The following B3GLCT variants were observed in gnomAD, a reference collection of about 807,000 sequenced individuals.
B3GLCT encodes the protein beta 3-glucosyltransferase, also known as beta-1,3-glucosyltransferase.
Under a neutral mutation model 63.4 loss-of-function variants are expected in B3GLCT, and 65 were observed. The observed-to-expected ratio is 1.03, with a 90% CI of 0.84 to 1.26. B3GLCT has a LOEUF of 1.26. B3GLCT is among the 50% of genes most tolerant of loss of function. B3GLCT has a pLI of 0.00. For synonymous variants in B3GLCT, 233 were observed against 219.2 expected, an observed-to-expected ratio of 1.06 and a Z score of -0.55; for missense variants, 577 against 604.8, an observed-to-expected ratio of 0.95 and a Z score of 0.48.
At chr13:31,283,597 G>GT (rs5802600) in intron 10 of B3GLCT, among the ~76,000 whole-genome samples, 101,329 of 148,818 alleles carry the variant, frequency 0.68, 34,570 homozygotes, top group East Asian at 0.78. Flanking sequence ...GCAGAACTCA[G>GT]TTTTTTTAAA....
At chr13:31,223,338 A>T (rs1057097386) in intron 3 of B3GLCT, among the ~76,000 whole-genome samples, 1 of 152,120 alleles carries the variant, frequency 6.6e-6, no homozygotes, top group African/African-American at 2.4e-5. Flanking sequence ...GTTATTAAGG[A>T]CCCACATGAT....
chr13:31,274,409 A>G (rs1393879050), intron 8 of B3GLCT, 100 bp from the exon 9 acceptor site: 2 of 1,481,786 alleles, frequency 1.3e-6, no homozygotes, highest in Non-Finnish European at 1.9e-6. Context: ...CCTACTCTCT[A>G]TGGAAGATGT....
chr13:31,260,864 C>T (rs1871989607), intron 6 of B3GLCT, 82 bp from the exon 7 acceptor site: 4 of 1,320,296 alleles, frequency 3.0e-6, no homozygotes. Flanking sequence ...ATTTAATTAT[C>T]TGAAACCAAT....
At chr13:31,292,637 C>T (rs1055032675) in intron 12 of B3GLCT, among the ~76,000 whole-genome samples, 8 of 151,114 alleles carry the variant, frequency 5.3e-5, no homozygotes, top group African/African-American at 1.9e-4. Flanking sequence ...GTTTGTATTT[C>T]TGTGGGATCA....
intron 12 of B3GLCT, among the ~76,000 whole-genome samples, chr13:31,316,130 G>A (rs1007791283): frequency 5.3e-5 from 8 of 151,994 alleles, no homozygotes; most frequent in African/African-American, 1.9e-4. Context: ...GGGAAATGTG[G>A]GGTTGGAGCC....
chr13:31,204,863 A>G (rs1868865658), intron 1 of B3GLCT, among the ~76,000 whole-genome samples: 1 of 152,114 alleles, frequency 6.6e-6, no homozygotes, highest in Admixed American at 6.5e-5. Flanking sequence ...TGAGTCATAC[A>G]TTTCTGTCAC....
chr13:31,229,290 C>T lies in B3GLCT; in HGVS notation c.266C>T (p.Thr89Ile), dbSNP rs987078280. 5 of 1,588,838 alleles carry T rather than the reference C, an allele frequency of 3.1e-6. No homozygotes were observed. The highest frequency in any genetic ancestry group is 3.5e-6 in the Non-Finnish European group (4 of 1,157,110). Residue 89 changes from threonine to isoleucine, a missense_variant, in exon 4 of 15, where the codon ACA (threonine) becomes ATA (isoleucine). Physicochemically the swap from Thr to Ile is moderately conservative, Grantham distance 89. Transcript: ENST00000343307. Reference sequence around the variant, plus strand: ...ATCTTAAAGCAGGCTGCAGATCTTACACAGGTACGTAGCGATGGCTGGGGG... The same window carrying T: ...ATCTTAAAGCAGGCTGCAGATCTTATACAGGTACGTAGCGATGGCTGGGGG... ...KSILKQAADL[T>I]QELPSVLLLH... is the part of the protein sequence containing the mutation.
intron 1 of B3GLCT, among the ~76,000 whole-genome samples, chr13:31,201,707 C>T (rs983872440): frequency 1.3e-5 from 2 of 152,150 alleles, no homozygotes; most frequent in African/African-American, 4.8e-5. Flanking sequence ...ATATATACAA[C>T]ATATGGGCTG....
chr13:31,329,567 TG>T lies in B3GLCT; in HGVS notation c.1398del (p.Trp466Ter). 1 of 1,614,224 alleles carries T rather than the reference TG, an allele frequency of 6.2e-7. No individual in the cohort carries two copies. On this transcript the variant is annotated frameshift_variant, in exon 15 of 15. Coordinates refer to ENST00000343307, the MANE Select transcript of B3GLCT (RefSeq NM_194318.4). LOFTEE classifies it low-confidence loss of function (END_TRUNC). The part of the protein sequence containing the change: ...HQVPISFHKH[W>X]NIDPVKVYFT... ...AGTTCCCATATCGTTCCACAAACAC[TG>T]GAACATCGATCCAGTGAAGGTGTAT...
intron 12 of B3GLCT, among the ~76,000 whole-genome samples, chr13:31,309,822 A>G (rs1310558760): frequency 6.6e-6 from 1 of 152,222 alleles, no homozygotes. Context: ...ATTGAACAAG[A>G]AGCCCATGTT....
chr13:31,302,268 G>A (rs1003096997), intron 12 of B3GLCT, among the ~76,000 whole-genome samples: 97 of 152,170 alleles, frequency 6.4e-4, no homozygotes, highest in African/African-American at 4.1e-4. Flanking sequence ...CCTGGATAAC[G>A]GTCATATTCA....
chr13:31,261,147 G>A (rs1347622716), intron 7 of B3GLCT, 65 bp downstream of exon 7: 9 of 1,540,722 alleles, frequency 5.8e-6, no homozygotes, highest in Admixed American at 1.7e-5. Context: ...ATTTCATTGA[G>A]TACTGTAACT....
intron 8 of B3GLCT, among the ~76,000 whole-genome samples, chr13:31,273,613 T>C (rs1238984445): frequency 6.6e-6 from 1 of 152,224 alleles, no homozygotes; most frequent in Admixed American, 6.5e-5. Flanking sequence ...GTGTGTGATT[T>C]TTTTTTCTCT....
intron 12 of B3GLCT, among the ~76,000 whole-genome samples, chr13:31,290,053 T>G (rs1469387170): frequency 2.0e-5 from 3 of 152,162 alleles, no homozygotes; most frequent in African/African-American, 7.2e-5. Context: ...GTGTGTGATG[T>G]TCCCCTCCCT....
chr13:31,286,939 C>A, intron 12 of B3GLCT, 120 bp downstream of exon 12: 1 of 644,816 alleles, frequency 1.6e-6, no homozygotes. Flanking sequence ...ACCCTTCTAT[C>A]TGAACCAATC....
chr13:31,203,586 A>T (rs1868791464), intron 1 of B3GLCT, among the ~76,000 whole-genome samples: 1 of 152,220 alleles, frequency 6.6e-6, no homozygotes, highest in Non-Finnish European at 1.5e-5. Flanking sequence ...TAGACTCATT[A>T]TGAAGCAAGC....
chr13:31,235,838 C>T (rs1479817355), intron 4 of B3GLCT, among the ~76,000 whole-genome samples: 3 of 152,152 alleles, frequency 2.0e-5, no homozygotes, highest in Non-Finnish European at 4.4e-5. Flanking sequence ...CCTACCCCAA[C>T]CCCTGGCTAC....
intron 12 of B3GLCT, among the ~76,000 whole-genome samples, chr13:31,316,718 A>G (rs79527651): frequency 2.4e-4 from 36 of 152,010 alleles, no homozygotes; most frequent in African/African-American, 8.5e-4. Flanking sequence ...TTCTTAAAAC[A>G]TAGAAAAAAT....
At chr13:31,240,280 C>G (rs994731622) in intron 4 of B3GLCT, among the ~76,000 whole-genome samples, 1 of 152,142 alleles carries the variant, frequency 6.6e-6, no homozygotes, top group Non-Finnish European at 1.5e-5. Context: ...ACTCTCTCCA[C>G]CTGAACTATG....
Sources: gnomAD v4.1 joint callset for allele counts (sites outside exome capture counted in the v4.1 genomes callset) on GRCh38, gnomAD v4.1.1 for gene constraint, MANE v1.5 for transcripts, NCBI Gene and HGNC (gene_info 2026-07-23, HGNC 2026-07-21) for gene names.